The following TLL2 variants were observed in gnomAD, a reference collection of about 807,000 sequenced individuals.
TLL2 encodes tolloid-like protein 2.
A neutral mutation model predicts 123.0 loss-of-function variants in TLL2; 106 were observed. The observed-to-expected ratio is 0.86, with a 90% CI of 0.74 to 1.01. TLL2 has a LOEUF of 1.01. Among genes scored for constraint, TLL2 ranks in the 50% least tolerant of loss-of-function variants. TLL2 has a pLI of 0.00. For missense variants in TLL2, 1,332 were observed against 1,336.7 expected (o/e 1.00, Z 0.06); for synonymous variants, 494 against 516.8 (o/e 0.96, Z 0.60).
chr10:96,426,306 C>T (rs1353822042), intron 5 of TLL2, among the ~76,000 whole-genome samples: 2 of 152,112 alleles, frequency 1.3e-5, no homozygotes, highest in Non-Finnish European at 2.9e-5. Context: ...TGGCTATTCA[C>T]ATGTGAGATG....
intron 17 of TLL2, 44 bp downstream of exon 17, chr10:96,378,923 C>A: frequency 1.2e-6 from 2 of 1,609,422 alleles, no homozygotes; most frequent in Non-Finnish European, 1.7e-6. Context: ...TGGGGTGCGG[C>A]GAAGGGCAGC....
At chr10:96,472,081 G>C (rs1847189699) in intron 2 of TLL2, among the ~76,000 whole-genome samples, 1 of 152,126 alleles carries the variant, frequency 6.6e-6, no homozygotes. Flanking sequence ...GGAAAGACAG[G>C]GATGTGTAAG....
rs1010677277 is a variant in TLL2, at chr10:96,513,478, C to A, written c.175+33G>T. On this transcript the variant is annotated intron_variant, in intron 1 of 20. Transcript: ENST00000357947. ...ACCTCATTTGCATTTCAAAGGCAAA[C>A]TTCTGCGGGACTTCCCCAGCGGCGG... 4 of 1,611,004 alleles carry A rather than the reference C, an allele frequency of 2.5e-6. No homozygotes were observed. The African/African-American group carries it at 4.0e-5, about 16-fold the overall frequency.
intron 10 of TLL2, among the ~76,000 whole-genome samples, chr10:96,400,817 G>A (rs1846385960): frequency 6.6e-6 from 1 of 152,174 alleles, no homozygotes; most frequent in Admixed American, 6.5e-5. Flanking sequence ...CCAATTTACA[G>A]GACAGAATTT....
intron 3 of TLL2, 152 bp downstream of exon 3, chr10:96,445,939 G>T: frequency 1.3e-6 from 1 of 764,240 alleles, no homozygotes; most frequent in East Asian, 2.6e-5. Context: ...AAAAGTTCTG[G>T]AACTCAATAG....
chr10:96,483,085 C>T (rs1016499025), intron 1 of TLL2, among the ~76,000 whole-genome samples: 9 of 152,218 alleles, frequency 5.9e-5, no homozygotes, highest in African/African-American at 9.6e-5. Flanking sequence ...TGTAGAAAAG[C>T]GTAGGACCAA....
chr10:96,476,241 T>TATATTC lies in TLL2; in HGVS notation c.286+4107_286+4108insGAATAT, dbSNP rs1554939631. 1.6e-3 allele frequency among the ~76,000 whole-genome samples: 116 copies of TATATTC among 72,346 alleles called. 5 individuals are homozygous for TATATTC. The highest frequency in any genetic ancestry group is 8.8e-3 in the Middle Eastern group (1 of 114). The allele number at this position is 72,346 out of a possible 152,430, so 47.5% of individuals were successfully genotyped here. A position where few individuals can be genotyped will look rare whatever the true frequency, so the allele number is the denominator to read the frequency against. On this transcript the variant is annotated intron_variant, in intron 2 of 20. Transcript: ENST00000357947. Reference sequence around the variant, plus strand: ...TTATATGTATATATATATATATATATTTTATTTTTGTTGTTGTTGTTGTTG... The same window carrying TATATTC: ...TTATATGTATATATATATATATATATATATTCTTTATTTTTGTTGTTGTTGTTGTTG...
chr10:96,432,739 A>G (rs1181118829), intron 4 of TLL2, 68 bp downstream of exon 4: 2 of 1,566,092 alleles, frequency 1.3e-6, no homozygotes, highest in Non-Finnish European at 1.7e-6. Flanking sequence ...TCCTTCCTAG[A>G]AGGACTCTCT....
intron 2 of TLL2, 66 bp downstream of exon 2, chr10:96,480,283 A>T (rs1847299120): frequency 7.3e-7 from 1 of 1,362,798 alleles, no homozygotes; most frequent in African/African-American, 1.4e-5. Flanking sequence ...CGTGGACCAC[A>T]TCTCCCCCTG....
At chr10:96,405,449 C>A in intron 9 of TLL2, 115 bp from the exon 10 acceptor site, 1 of 904,798 alleles carries the variant, frequency 1.1e-6, no homozygotes, top group South Asian at 1.5e-5. Flanking sequence ...ACTTTCAGAC[C>A]ACGGTAGGAG....
At position 96,385,924 on chromosome 10, in the gene TLL2, C is replaced by T. The variant is rs1380791621; in HGVS notation, c.2013+131G>A. ...AAAACATTCCCCCAGATTCTGCTAGCGCAGGTCCTAAGACTGTCCAAAGCT... is the reference window on the plus strand; with the variant it reads ...AAAACATTCCCCCAGATTCTGCTAGTGCAGGTCCTAAGACTGTCCAAAGCT... On this transcript the variant is annotated intron_variant, in intron 15 of 20. Transcript: ENST00000357947. 2.7e-5 allele frequency: 24 copies of T among 900,090 alleles called. No homozygotes were observed. In the East Asian group the frequency reaches 2.8e-4, roughly 11 times the overall value. 55.8% of individuals were successfully genotyped at this position (900,090 alleles called of 1,614,324 possible).
intron 10 of TLL2, among the ~76,000 whole-genome samples, chr10:96,400,359 A>C (rs1238688974): frequency 0.015 from 24 of 1,580 alleles, no homozygotes; most frequent in Admixed American, 0.1. Flanking sequence ...ACTACCATCA[A>C]AAAAAAAAAA....
intron 2 of TLL2, among the ~76,000 whole-genome samples, chr10:96,467,219 A>G (rs1426468176): frequency 6.6e-6 from 1 of 152,144 alleles, no homozygotes; most frequent in African/African-American, 2.4e-5. Flanking sequence ...TAGAAACAGC[A>G]TCTTGCTTTG....
intron 7 of TLL2, among the ~76,000 whole-genome samples, chr10:96,419,790 T>G (rs959492305): frequency 1.3e-5 from 2 of 152,178 alleles, no homozygotes; most frequent in African/African-American, 4.8e-5. Flanking sequence ...AAGGAGCCCC[T>G]GGCAAACAGT....
At chr10:96,484,598 C>CAA (rs1273689059) in intron 1 of TLL2, among the ~76,000 whole-genome samples, 1 of 133,116 alleles carries the variant, frequency 7.5e-6, no homozygotes, top group Non-Finnish European at 1.6e-5. Flanking sequence ...AGTACACACA[C>CAA]ACACACACAC....
At chr10:96,507,956 G>T (rs1349939141) in intron 1 of TLL2, among the ~76,000 whole-genome samples, 2 of 152,196 alleles carry the variant, frequency 1.3e-5, no homozygotes, top group Non-Finnish European at 2.9e-5. Flanking sequence ...CATCAGCAAG[G>T]ACATCATAAC....
rs182410826 is a variant in TLL2 at position 96,489,714 on chromosome 10, A to G, written c.176-9255T>C. Among the ~76,000 whole-genome samples the G allele has an allele frequency of 3.8e-3, 578 of 152,358 alleles. 3 individuals carry two copies. The highest frequency in any genetic ancestry group is 6.8e-3 in the Middle Eastern group (2 of 294). On this transcript the variant is annotated intron_variant, in intron 1 of 20. Transcript: ENST00000357947. ...CACATGTGGCTAGCTATATATAAGC[A>G]TAACATAAATAATACAAATTGTAAA... is the stretch of plus-strand genomic sequence containing the variant.
At chr10:96,454,814 C>T (rs2134091273) in intron 2 of TLL2, among the ~76,000 whole-genome samples, 1 of 152,282 alleles carries the variant, frequency 6.6e-6, no homozygotes, top group Admixed American at 6.5e-5. Context: ...CTTATTGACT[C>T]TAACTGTTCT....
At chr10:96,444,559 A>G (rs984305157) in intron 3 of TLL2, among the ~76,000 whole-genome samples, 4 of 152,214 alleles carry the variant, frequency 2.6e-5, no homozygotes, top group African/African-American at 9.6e-5. Context: ...GCTTATATAC[A>G]TATATCTCTG....
Sources: allele counts gnomAD v4.1 joint callset (sites outside exome capture counted in the v4.1 genomes callset), GRCh38; gene constraint gnomAD v4.1.1; transcripts MANE v1.5; gene names NCBI Gene and HGNC (gene_info 2026-07-23, HGNC 2026-07-21).